Variants in PRKN observed in about 807,000 individuals in gnomAD.
PRKN encodes the protein E3 ubiquitin-protein ligase parkin.
In PRKN, 56 loss-of-function variants were observed where a neutral mutation model predicts 59.5. The observed-to-expected ratio is 0.94, with a 90% confidence interval of 0.76 to 1.18. The LOEUF (loss-of-function observed/expected upper bound fraction) is 1.18. Ranked by LOEUF, PRKN falls within the 50% of genes most tolerant of loss-of-function variation. The probability of loss-of-function intolerance (pLI) is 0.00; values close to 1 mark genes in which losing one functional copy is unlikely to be tolerated. For missense variants in PRKN, 657 were observed against 596.4 expected, an observed-to-expected ratio of 1.10 and a Z score of -1.06; for synonymous variants, 250 against 222.1, an observed-to-expected ratio of 1.13 and a Z score of -1.12.
rs184890356 is a variant in PRKN, at chr6:161,546,342, T to G, written c.1083+2512A>C. Among the ~76,000 whole-genome samples, 2 of 152,258 alleles carry G rather than the reference T, an allele frequency of 1.3e-5. No homozygotes were observed. Among genetic ancestry groups the G allele is most frequent in the African/African-American group, 4.8e-5 (2 of 41,564 alleles). On this transcript the variant is annotated intron_variant, in intron 9 of 11. Coordinates refer to ENST00000366898, the MANE Select transcript of PRKN (RefSeq NM_004562.3). The surrounding 1 kb of genome is among the most constrained non-coding windows in gnomAD (Gnocchi z 4.4). ...AGTTTGTGAAGCCAGGGTTTGAACT[T>G]CACACATTCAACGCCACCCTTTTTA...
At chr6:162,025,880 C>T (rs1016496164) in intron 5 of PRKN, among the ~76,000 whole-genome samples, 1 of 151,958 alleles carries the variant, frequency 6.6e-6, no homozygotes, top group Non-Finnish European at 1.5e-5. Context: ...TGAGGCACTG[C>T]CCCCGGGCCA....
chr6:161,546,780 C>A lies in PRKN; in HGVS notation c.1083+2074G>T, dbSNP rs1255288400. Reference sequence around the variant, plus strand: ...TTTGGGGATTTGGTCCTACAAGGCACTGTAGCTTCTCTCTGTTCTCTCTTT... The same window carrying A: ...TTTGGGGATTTGGTCCTACAAGGCAATGTAGCTTCTCTCTGTTCTCTCTTT... On this transcript the variant is annotated intron_variant, in intron 9 of 11. Transcript: ENST00000366898. The surrounding 1 kb of genome is among the most constrained non-coding windows in gnomAD (Gnocchi z 4.4). Among the ~76,000 whole-genome samples the A allele has an allele frequency of 1.3e-5, 2 of 152,052 alleles. No individual in the cohort carries two copies. Among genetic ancestry groups the A allele is most frequent in the Non-Finnish European group, 2.9e-5 (2 of 68,030 alleles).
intron 6 of PRKN, among the ~76,000 whole-genome samples, chr6:161,933,074 G>A (rs903104301): frequency 2.0e-5 from 3 of 152,164 alleles, no homozygotes; most frequent in Admixed American, 2.0e-4. Context: ...GATGTCAGGA[G>A]TTCGAGACCA....
intron 7 of PRKN, among the ~76,000 whole-genome samples, chr6:161,649,354 C>G (rs910770687): frequency 2.7e-4 from 41 of 152,160 alleles, no homozygotes; most frequent in African/African-American, 9.9e-4. Context: ...TGTCATGATG[C>G]AACAGTGAAG....
intron 2 of PRKN, among the ~76,000 whole-genome samples, chr6:162,324,644 T>C (rs1255877859): frequency 2.0e-5 from 3 of 152,100 alleles, no homozygotes; most frequent in South Asian, 2.1e-4. Context: ...GCTTCACAAC[T>C]TGCACACACA....
At chr6:162,132,656 C>T (rs1399720431) in intron 4 of PRKN, among the ~76,000 whole-genome samples, 1 of 152,042 alleles carries the variant, frequency 6.6e-6, no homozygotes, top group Non-Finnish European at 1.5e-5. Context: ...TGGTGACCAC[C>T]TGAAGTGGAA....
chr6:162,525,004 T>C (rs1440748373), intron 1 of PRKN, among the ~76,000 whole-genome samples: 1 of 152,142 alleles, frequency 6.6e-6, no homozygotes, highest in African/African-American at 2.4e-5. Context: ...CCTCAGAGAA[T>C]TCCAGAAACA....
At chr6:162,390,175 T>G (rs1787088291) in intron 2 of PRKN, among the ~76,000 whole-genome samples, 1 of 151,864 alleles carries the variant, frequency 6.6e-6, no homozygotes, top group Admixed American at 6.6e-5. Context: ...AAGAGTCCAG[T>G]TCTGACTCCA....
rs535142169 is a variant in PRKN at position 161,435,364 on chromosome 6, G to A, written c.1084-48487C>T. 5.9e-5 allele frequency among the ~76,000 whole-genome samples: 9 copies of A among 152,202 alleles called. No homozygotes were observed. The East Asian group carries it at 9.6e-4, about 16-fold the overall frequency. On this transcript the variant is annotated intron_variant, in intron 9 of 11. Coordinates refer to ENST00000366898, the MANE Select transcript of PRKN (RefSeq NM_004562.3). ...CTCTGACGCCTCCTGCCTGGTTGGC[G>A]ATAATCCCTAATGCAAAGGGATCGT...
chr6:162,361,219 T>C (rs1305215708), intron 2 of PRKN, among the ~76,000 whole-genome samples: 2 of 151,898 alleles, frequency 1.3e-5, no homozygotes, highest in South Asian at 2.1e-4. Context: ...GAGTGGCTCA[T>C]TAGGGGAAAA....
At position 162,457,559 on chromosome 6, in the gene PRKN, C is replaced by G. The variant is rs559739044; in HGVS notation, c.8-14086G>C. 2.3e-3 allele frequency among the ~76,000 whole-genome samples: 351 copies of G among 150,478 alleles called. 3 individuals are homozygous for G. The highest frequency in any genetic ancestry group is 7.8e-3 in the African/African-American group (314 of 40,146). On this transcript the variant is annotated intron_variant, in intron 1 of 11. Transcript: ENST00000366898. ...AGCAAAATAATTTCAAGATTACTAA[C>G]TTTAGAAATAGAAGCTAAAATCACA...
At chr6:161,949,451 C>T (rs1481564742) in intron 6 of PRKN, among the ~76,000 whole-genome samples, 1 of 152,072 alleles carries the variant, frequency 6.6e-6, no homozygotes, top group Non-Finnish European at 1.5e-5. Context: ...GTGGAGGTTG[C>T]GGTGAGCCGA....
chr6:162,414,297 T>C (rs1382674984), intron 2 of PRKN, among the ~76,000 whole-genome samples: 2 of 152,162 alleles, frequency 1.3e-5, no homozygotes, highest in African/African-American at 2.4e-5. Flanking sequence ...TGATTCCAGA[T>C]TACTCTTGCT....
intron 1 of PRKN, among the ~76,000 whole-genome samples, chr6:162,629,584 A>G (rs1467789167): frequency 6.6e-6 from 1 of 152,182 alleles, no homozygotes; most frequent in Non-Finnish European, 1.5e-5. Flanking sequence ...GTTTCAGCAG[A>G]CCAAAATATT....
At chr6:162,144,643 A>G (rs1452688257) in intron 4 of PRKN, among the ~76,000 whole-genome samples, 1 of 152,186 alleles carries the variant, frequency 6.6e-6, no homozygotes, top group East Asian at 1.9e-4. Context: ...TCACCACTGC[A>G]GAGGGGGCAT....
At chr6:162,292,185 A>C (rs1204485748) in intron 2 of PRKN, among the ~76,000 whole-genome samples, 1 of 152,020 alleles carries the variant, frequency 6.6e-6, no homozygotes, top group Non-Finnish European at 1.5e-5. Flanking sequence ...GCTAGTCTCC[A>C]ACTCCTGACC....
chr6:162,494,105 T>C (rs1016984058), intron 1 of PRKN, among the ~76,000 whole-genome samples: 2 of 152,210 alleles, frequency 1.3e-5, no homozygotes, highest in Non-Finnish European at 2.9e-5. Context: ...TGGACTACAT[T>C]TCCCAGAATC....
At position 161,590,475 on chromosome 6, in the gene PRKN, G is replaced by A. The variant is rs1009906316; in HGVS notation, c.872-21059C>T. ...TAGCTGGGCGTGGTGGCGCACGCCT[G>A]TAATCCCAGAACTTTGGGAGGCTGA... On this transcript the variant is annotated intron_variant, in intron 7 of 11. Transcript: ENST00000366898. Among the ~76,000 whole-genome samples the A allele has an allele frequency of 4.1e-4, 62 of 152,302 alleles. 1 individual carries two copies. The highest frequency in any genetic ancestry group is 1.3e-3 in the Admixed American group (20 of 15,304).
In PRKN at chr6:161,532,908, A is replaced by C. The variant is rs1259277821; in HGVS notation, c.1083+15946T>G. On this transcript the variant is annotated intron_variant, in intron 9 of 11. Coordinates refer to ENST00000366898, the MANE Select transcript of PRKN (RefSeq NM_004562.3). ...GTCACTTGCGGGACTTTTCAATATG[A>C]AACCCTCTTATACAATTATATGTAT... is the stretch of plus-strand genomic sequence containing the variant. Among the ~76,000 whole-genome samples, 6 of 152,286 alleles carry C rather than the reference A, an allele frequency of 3.9e-5. No homozygotes were observed. The East Asian group carries it at 1.2e-3, about 29-fold the overall frequency.
Sources: gnomAD v4.1 joint callset for allele counts (sites outside exome capture counted in the v4.1 genomes callset) on GRCh38, gnomAD v4.1.1 for gene constraint, Gnocchi (gnomAD v3.1) non-coding constraint, MANE v1.5 for transcripts, NCBI Gene and HGNC (gene_info 2026-07-23, HGNC 2026-07-21) for gene names.